Variants in SMAD3 observed in about 807,000 individuals in gnomAD.
The protein encoded by SMAD3 is MAD homolog 3.
A neutral mutation model predicts 51.8 loss-of-function variants in SMAD3; 12 were observed. The ratio of observed to expected loss-of-function variants is 0.23; its 90% CI spans 0.15 to 0.38. The LOEUF is 0.38. Ranked by LOEUF, SMAD3 falls within the 10% of genes least tolerant of loss-of-function variation. The pLI is 1.00. For missense variants in SMAD3, 294 were observed against 565.6 expected, an observed-to-expected ratio of 0.52 and a Z score of 4.87; for synonymous variants, 238 against 227.7, an observed-to-expected ratio of 1.05 and a Z score of -0.41.
In SMAD3 at chr15:67,193,920, A is replaced by C; in HGVS notation, c.*3384A>C. On this transcript the variant is annotated 3_prime_UTR_variant, in exon 9 of 9. Coordinates refer to ENST00000327367, the MANE Select transcript of SMAD3 (RefSeq NM_005902.4). ...CACGTATGTAAGTAATCTGGGGAAG[A>C]AGCAAAGATCTGTTTCATTCTTAGC... 1 of 233,254 alleles carries C rather than the reference A, an allele frequency of 4.3e-6. No homozygotes were observed. The allele number at this position is 233,254 out of a possible 1,614,324, so 14.4% of individuals were successfully genotyped here. A position where few individuals can be genotyped will look rare whatever the true frequency, so the allele number is the denominator to read the frequency against.
intron 1 of SMAD3, among the ~76,000 whole-genome samples, chr15:67,093,936 T>C (rs1451698429): frequency 1.3e-5 from 2 of 152,208 alleles, no homozygotes; most frequent in South Asian, 2.1e-4. Context: ...TGTTGATGGC[T>C]GAGGAAGCCA....
chr15:67,168,837 C>G (rs1962664722), intron 4 of SMAD3, among the ~76,000 whole-genome samples: 2 of 152,196 alleles, frequency 1.3e-5, no homozygotes. Context: ...CTCTGTTCTT[C>G]AGAGTTGCCT....
At chr15:67,071,022 G>C (rs1318188231) in intron 1 of SMAD3, among the ~76,000 whole-genome samples, 5 of 152,152 alleles carry the variant, frequency 3.3e-5, no homozygotes, top group Non-Finnish European at 7.3e-5. Flanking sequence ...ACCACAGCAG[G>C]GTCCCTGTAC....
chr15:67,073,476 G>A (rs1960100267), intron 1 of SMAD3, among the ~76,000 whole-genome samples: 1 of 152,210 alleles, frequency 6.6e-6, no homozygotes, highest in Non-Finnish European at 1.5e-5. Flanking sequence ...ATAAACAAGA[G>A]TTTGGGGATT....
intron 1 of SMAD3, among the ~76,000 whole-genome samples, chr15:67,134,797 CTG>C (rs1961614970): frequency 6.6e-6 from 1 of 152,244 alleles, no homozygotes; most frequent in African/African-American, 2.4e-5. Flanking sequence ...TCGTGCAACT[CTG>C]TGCCAGGTCC....
intron 5 of SMAD3, 67 bp downstream of exon 5, chr15:67,170,671 G>C: frequency 7.1e-7 from 1 of 1,400,448 alleles, no homozygotes; most frequent in Non-Finnish European, 1.0e-6. Context: ...TCGCCAGTGT[G>C]GGGAGGGGGC....
chr15:67,177,885 C>T (rs920011409), intron 5 of SMAD3, among the ~76,000 whole-genome samples: 4 of 152,112 alleles, frequency 2.6e-5, no homozygotes, highest in Admixed American at 6.6e-5. Flanking sequence ...AGGGAAATCA[C>T]GGCTGGCTTT....
chr15:67,192,331 T>C lies in SMAD3; in HGVS notation c.*1795T>C, dbSNP rs1414883291. 4.3e-6 allele frequency: 1 copy of C among 232,952 alleles called. No individual in the cohort carries two copies. The highest frequency in any genetic ancestry group is 8.5e-6 in the Non-Finnish European group (1 of 117,792). 14.4% of individuals were successfully genotyped at this position (232,952 alleles called of 1,614,324 possible). ...CACAGGAAGAGACGGAAGGAGCACCTTGACAGACTTGTGTGAGTCTTCTCG... is the reference window on the plus strand; with the variant it reads ...CACAGGAAGAGACGGAAGGAGCACCCTGACAGACTTGTGTGAGTCTTCTCG... On this transcript the variant is annotated 3_prime_UTR_variant, in exon 9 of 9. Transcript: ENST00000327367.
intron 4 of SMAD3, among the ~76,000 whole-genome samples, chr15:67,167,748 T>C (rs1366962852): frequency 6.6e-6 from 1 of 152,154 alleles, no homozygotes; most frequent in Non-Finnish European, 1.5e-5. Context: ...CCAAATTGGC[T>C]CCAGACCAGC....
In SMAD3 at chr15:67,123,886, T is replaced by C. The variant is rs189225895; in HGVS notation, c.207-41009T>C. 1.6e-3 allele frequency among the ~76,000 whole-genome samples: 239 copies of C among 152,322 alleles called. 4 individuals carry two copies. The highest frequency in any genetic ancestry group is 0.014 in the Admixed American group (216 of 15,304). ...GCCTGGAAACAAAGGGAAAATAGTG[T>C]GTCCTGCTTTCCAACTTTCGGATAT... On this transcript the variant is annotated intron_variant, in intron 1 of 8. Coordinates refer to ENST00000327367, the MANE Select transcript of SMAD3 (RefSeq NM_005902.4).
At chr15:67,158,637 A>T (rs1962346430) in intron 1 of SMAD3, among the ~76,000 whole-genome samples, 1 of 152,226 alleles carries the variant, frequency 6.6e-6, no homozygotes, top group South Asian at 2.1e-4. Context: ...TGCGACATGC[A>T]CTTTGCCTCT....
At chr15:67,067,961 T>A (rs565159505) in intron 1 of SMAD3, among the ~76,000 whole-genome samples, 8 of 152,276 alleles carry the variant, frequency 5.3e-5, no homozygotes, top group African/African-American at 1.9e-4. Flanking sequence ...CAAACCTACC[T>A]TCTCCTTATC....
intron 1 of SMAD3, among the ~76,000 whole-genome samples, chr15:67,119,366 C>G (rs935964690): frequency 7.3e-5 from 11 of 151,524 alleles, no homozygotes; most frequent in Non-Finnish European, 1.2e-4. Context: ...AAGCCCATTG[C>G]AGGGAGGCCC....
chr15:67,075,972 C>A (rs750631677), intron 1 of SMAD3, among the ~76,000 whole-genome samples: 2 of 151,866 alleles, frequency 1.3e-5, no homozygotes, highest in Admixed American at 1.3e-4. Context: ...TTGCCAGTAT[C>A]GATCATAATA....
At chr15:67,184,607 G>A in intron 6 of SMAD3, 120 bp from the exon 7 acceptor site, 1 of 1,264,770 alleles carries the variant, frequency 7.9e-7, no homozygotes, top group Non-Finnish European at 1.1e-6. Context: ...TTTGCCTGGG[G>A]AAGCTGGCAG....
intron 8 of SMAD3, among the ~76,000 whole-genome samples, chr15:67,188,568 T>G (rs905358767): frequency 6.6e-6 from 1 of 152,250 alleles, no homozygotes; most frequent in African/African-American, 2.4e-5. Flanking sequence ...GACCAAAGTT[T>G]GCGGAGAGGC....
intron 1 of SMAD3, among the ~76,000 whole-genome samples, chr15:67,127,727 A>G (rs1338578515): frequency 3.9e-5 from 6 of 151,944 alleles, no homozygotes; most frequent in African/African-American, 1.5e-4. Flanking sequence ...CCATTTATTC[A>G]CCCCACCCCT....
At chr15:67,166,587 C>T in intron 3 of SMAD3, 192 bp from the exon 4 acceptor site, 1 of 655,084 alleles carries the variant, frequency 1.5e-6, no homozygotes, top group Non-Finnish European at 2.8e-6. Flanking sequence ...CAGTTATGAT[C>T]CAAGCGGGAG....
chr15:67,152,196 G>A lies in SMAD3; in HGVS notation c.207-12699G>A, dbSNP rs190326875. Reference sequence around the variant, plus strand: ...TCTATTCTGTTTTTACAAAGTTAGAGTTTTGGGGCTGATAAATGTTTTTAC... The same window carrying A: ...TCTATTCTGTTTTTACAAAGTTAGAATTTTGGGGCTGATAAATGTTTTTAC... On this transcript the variant is annotated intron_variant, in intron 1 of 8. Transcript: ENST00000327367. Among the ~76,000 whole-genome samples, 5 of 152,262 alleles carry A rather than the reference G, an allele frequency of 3.3e-5. No individual in the cohort carries two copies. In the East Asian group the frequency reaches 5.8e-4, roughly 18 times the overall value.
Sources: allele counts gnomAD v4.1 joint callset (sites outside exome capture counted in the v4.1 genomes callset), GRCh38; gene constraint gnomAD v4.1.1; transcripts MANE v1.5; gene names NCBI Gene and HGNC (gene_info 2026-07-23, HGNC 2026-07-21).